Variants in CHLSN observed in about 807,000 individuals in gnomAD.
CHLSN encodes the protein cholesin, also known as protein cholesin.
the CHLSN span, among the ~76,000 whole-genome samples, chr7:1,090,434 G>C: frequency 5.4e-3 from 819 of 151,688 alleles, 7 homozygotes; most frequent in African/African-American, 0.019. Flanking sequence ...CGGGGCAGGT[G>C]ACAGGACCTC....
At chr7:1,061,690 C>T in the CHLSN span, among the ~76,000 whole-genome samples, 1 of 152,198 alleles carries the variant, frequency 6.6e-6, no homozygotes, top group Non-Finnish European at 1.5e-5. Context: ...ACTTGAGCCA[C>T]TCGGGGCAGA....
the CHLSN span, among the ~76,000 whole-genome samples, chr7:1,098,875 G>C: frequency 5.9e-5 from 9 of 152,236 alleles, no homozygotes; most frequent in Non-Finnish European, 1.3e-4. Context: ...AGTTTCCCTG[G>C]GGGTGAAGAA....
At chr7:1,127,634 CAGG>C in the CHLSN span, among the ~76,000 whole-genome samples, 1 of 145,830 alleles carries the variant, frequency 6.9e-6, no homozygotes, top group African/African-American at 2.5e-5. Flanking sequence ...CTCTGTCACC[CAGG>C]CTGGAGTGCA....
At chr7:1,133,392 CAAAAA>C in the CHLSN span, among the ~76,000 whole-genome samples, 3 of 91,106 alleles carry the variant, frequency 3.3e-5, no homozygotes, top group Non-Finnish European at 2.2e-5. Flanking sequence ...CGATATACTG[CAAAAA>C]AAAAAAAAAA....
chr7:1,060,947 T>C, the CHLSN span, among the ~76,000 whole-genome samples: 1 of 152,018 alleles, frequency 6.6e-6, no homozygotes, highest in Non-Finnish European at 1.5e-5. Context: ...CTCCTACCCC[T>C]GCAGCCCAGC....
At chr7:1,055,115 C>G in the CHLSN span, among the ~76,000 whole-genome samples, 24 of 152,212 alleles carry the variant, frequency 1.6e-4, no homozygotes, top group African/African-American at 5.8e-4. Flanking sequence ...CTCCATGAGC[C>G]AGGCTATCAG....
the CHLSN span, chr7:1,093,458 G>A: frequency 4.3e-6 from 2 of 467,338 alleles, no homozygotes; most frequent in Non-Finnish European, 8.9e-6. Flanking sequence ...GGCAGCAATG[G>A]CGCTGTGCGG....
chr7:982,769 C>G, the CHLSN span, among the ~76,000 whole-genome samples: 1 of 152,232 alleles, frequency 6.6e-6, no homozygotes, highest in African/African-American at 2.4e-5. Flanking sequence ...CCTGCAAACC[C>G]TGAGCTCCAC....
the CHLSN span, chr7:1,058,310 C>G: frequency 1.3e-6 from 1 of 775,762 alleles, no homozygotes. Flanking sequence ...GAGGGAAGCC[C>G]GTGGACGCAC....
At chr7:1,073,869 C>T in the CHLSN span, among the ~76,000 whole-genome samples, 339 of 49,712 alleles carry the variant, frequency 6.8e-3, 10 homozygotes, top group African/African-American at 0.03. Context: ...GCTGCCGTGA[C>T]GCCCGCCCCG....
At chr7:1,066,570 G>A in the CHLSN span, among the ~76,000 whole-genome samples, 1 of 152,238 alleles carries the variant, frequency 6.6e-6, no homozygotes, top group African/African-American at 2.4e-5. Context: ...GAGGAGAGAA[G>A]GGGGGACGAG....
At chr7:1,075,239 G>C in the CHLSN span, among the ~76,000 whole-genome samples, 1 of 152,140 alleles carries the variant, frequency 6.6e-6, no homozygotes. Flanking sequence ...TTAGGCCAGG[G>C]GCGGTGGCTC....
At chr7:1,066,144 CG>C in the CHLSN span, among the ~76,000 whole-genome samples, 1 of 152,346 alleles carries the variant, frequency 6.6e-6, no homozygotes, top group South Asian at 2.1e-4. Flanking sequence ...GAGAATGCGC[CG>C]GTTCTGTTCC....
At chr7:980,148 C>G in the CHLSN span, among the ~76,000 whole-genome samples, 2 of 152,024 alleles carry the variant, frequency 1.3e-5, no homozygotes, top group Non-Finnish European at 2.9e-5. Context: ...CTGCCACAGC[C>G]GACAGGTGCG....
chr7:1,078,069 C>T, the CHLSN span: 64 of 152,316 alleles, frequency 4.2e-4, no homozygotes, highest in Admixed American at 4.2e-3. Context: ...TGTATTTTTA[C>T]AGCGTTTGGG....
At chr7:1,054,746 G>A in the CHLSN span, among the ~76,000 whole-genome samples, 3 of 152,190 alleles carry the variant, frequency 2.0e-5, no homozygotes, top group Non-Finnish European at 2.9e-5. Context: ...AGGAGGCTCC[G>A]TGTGTGGGGC....
At chr7:1,085,942 CG>C in the CHLSN span, among the ~76,000 whole-genome samples, 1 of 152,192 alleles carries the variant, frequency 6.6e-6, no homozygotes, top group Non-Finnish European at 1.5e-5. Flanking sequence ...GTCTTGGAGA[CG>C]GAAGTTCCTG....
At chr7:1,017,008 A>G in the CHLSN span, among the ~76,000 whole-genome samples, 9 of 142,450 alleles carry the variant, frequency 6.3e-5, no homozygotes, top group African/African-American at 2.6e-4. Context: ...AGGAGCACAC[A>G]GCAGCACACA....
At chr7:1,021,022 A>ACCTCCAGGTTGGGGACCTCCCAGCAGGG in the CHLSN span, among the ~76,000 whole-genome samples, 1,011 of 143,564 alleles carry the variant, frequency 7.0e-3, 4 homozygotes, top group Non-Finnish European at 0.011. Flanking sequence ...TCGGGCAGGT[A>ACCTCCAGGTTGGGGACCTCCCAGCAGGG]CCTCCAGGTT....
Sources: allele counts gnomAD v4.1 joint callset (sites outside exome capture counted in the v4.1 genomes callset), GRCh38; gene constraint gnomAD v4.1.1; transcripts MANE v1.5; gene names NCBI Gene and HGNC (gene_info 2026-07-23, HGNC 2026-07-21).